The following FOXO1 variants were observed in gnomAD, a reference collection of about 807,000 sequenced individuals.
FOXO1 encodes forkhead box protein O1.
Under a neutral mutation model 44.1 loss-of-function variants are expected in FOXO1, and 6 were observed. The ratio of observed to expected loss-of-function variants is 0.14; its 90% CI spans 0.07 to 0.27. FOXO1 has a LOEUF of 0.27. Ranked by LOEUF, FOXO1 falls within the 10% of genes least tolerant of loss-of-function variation. The probability of loss-of-function intolerance (pLI) is 1.00; values close to 1 mark genes in which losing one functional copy is unlikely to be tolerated. For synonymous variants in FOXO1, 380 were observed against 362.7 expected (o/e 1.05, Z -0.54); for missense variants, 737 against 888.8 (o/e 0.83, Z 2.17).
intron 1 of FOXO1, among the ~76,000 whole-genome samples, chr13:40,636,461 G>C (rs1252233705): frequency 6.6e-6 from 1 of 151,928 alleles, no homozygotes; most frequent in Non-Finnish European, 1.5e-5. Flanking sequence ...CTTGAGGCCA[G>C]GAGTTCAATA....
At chr13:40,573,338 A>C (rs147774489) in intron 1 of FOXO1, among the ~76,000 whole-genome samples, 21 of 152,336 alleles carry the variant, frequency 1.4e-4, no homozygotes, top group African/African-American at 5.1e-4. Context: ...AAGCCAGCCC[A>C]GGAAGAATGT....
chr13:40,607,907 T>C (rs1392499584), intron 1 of FOXO1, among the ~76,000 whole-genome samples: 1 of 152,268 alleles, frequency 6.6e-6, no homozygotes, highest in Non-Finnish European at 1.5e-5. Flanking sequence ...GTTCCCCCAA[T>C]TGGTACACTG....
In FOXO1 at chr13:40,666,238, G is replaced by A; in HGVS notation, c.-26C>T. The stretch of plus-strand genomic sequence containing the variant: ...GGTGACCCCCGCCCCTCCCCCAGCC[G>A]CAGGAGAGCCAAGAGGGGGAGAACG... On this transcript the variant is annotated 5_prime_UTR_variant, in exon 1 of 3. Transcript: ENST00000379561. 2 of 1,373,722 alleles carry A rather than the reference G, an allele frequency of 1.5e-6. No individual in the cohort carries two copies. Among genetic ancestry groups the A allele is most frequent in the Admixed American group, 3.3e-5 (1 of 30,396 alleles). The allele number at this position is 1,373,722 out of a possible 1,614,324, so 85.1% of individuals were successfully genotyped here.
rs886481202 is a variant in FOXO1 at position 40,665,881 on chromosome 13, T to C, written c.332A>G (p.Gln111Arg). Residue 111 changes from glutamine to arginine, a missense_variant, in exon 1 of 3, where the codon CAG becomes CGG. Around this residue, in one of 7 missense-constraint regions of FOXO1, gnomAD observed 213 missense variants for 236.4 expected, o/e 0.90. Coordinates refer to ENST00000379561, the MANE Select transcript of FOXO1 (RefSeq NM_002015.4). ...GTGCAGGCAGCCCGCCTCCGGGCCC[T>C]GGAAGTCCCCGCACAGCCCCCCGGT... ...AATGGLCGDF[Q>R]GPEAGCLHPA... 17 of 1,143,966 alleles carry C rather than the reference T, an allele frequency of 1.5e-5. No homozygotes were observed. In the African/African-American group the frequency reaches 2.5e-4, roughly 17 times the overall value. 70.9% of individuals were successfully genotyped at this position (1,143,966 alleles called of 1,614,324 possible). A position where few individuals can be genotyped will look rare whatever the true frequency, so the allele number is the denominator to read the frequency against.
chr13:40,613,370 G>T (rs1876303777), intron 1 of FOXO1, among the ~76,000 whole-genome samples: 1 of 151,850 alleles, frequency 6.6e-6, no homozygotes, highest in Non-Finnish European at 1.5e-5. Flanking sequence ...TTTACAATCT[G>T]CTTCTCCGAC....
intron 1 of FOXO1, among the ~76,000 whole-genome samples, chr13:40,583,113 T>C (rs1875018432): frequency 6.6e-6 from 1 of 152,196 alleles, no homozygotes; most frequent in Non-Finnish European, 1.5e-5. Context: ...ATCAAAGCTC[T>C]TGTGTGAGGA....
chr13:40,661,687 C>T (rs1878041379), intron 1 of FOXO1, among the ~76,000 whole-genome samples: 2 of 152,124 alleles, frequency 1.3e-5, no homozygotes, highest in South Asian at 4.1e-4. Context: ...CACCAGGATT[C>T]TCTAAGTCAA....
At chr13:40,591,808 T>G (rs1875383596) in intron 1 of FOXO1, among the ~76,000 whole-genome samples, 1 of 151,994 alleles carries the variant, frequency 6.6e-6, no homozygotes, top group Non-Finnish European at 1.5e-5. Context: ...TCCAAGCAAT[T>G]CTCATACCTC....
chr13:40,586,251 T>C (rs909575629), intron 1 of FOXO1, among the ~76,000 whole-genome samples: 3 of 152,246 alleles, frequency 2.0e-5, no homozygotes, highest in Admixed American at 1.3e-4. Flanking sequence ...TGTGTGCATA[T>C]GTGCACTGAG....
intron 1 of FOXO1, among the ~76,000 whole-genome samples, chr13:40,613,511 C>G (rs957729146): frequency 2.0e-5 from 3 of 152,170 alleles, no homozygotes; most frequent in Non-Finnish European, 4.4e-5. Context: ...AGTTCCCACA[C>G]CAAGAGCAGC....
rs889435116 is a variant in FOXO1 at position 40,556,842 on chromosome 13, T to A, written c.*2207A>T. 3 of 152,230 alleles carry A rather than the reference T, an allele frequency of 2.0e-5. No homozygotes were observed. Among genetic ancestry groups the A allele is most frequent in the African/African-American group, 7.2e-5 (3 of 41,452 alleles). 9.4% of individuals were successfully genotyped at this position (152,230 alleles called of 1,614,324 possible). A position where few individuals can be genotyped will look rare whatever the true frequency, so the allele number is the denominator to read the frequency against. Reference sequence around the variant, plus strand: ...GGCTCTGAGGTTCCTTGTATTATGATGCAGTAATGGCACGGGAGGAAAGTG... The same window carrying A: ...GGCTCTGAGGTTCCTTGTATTATGAAGCAGTAATGGCACGGGAGGAAAGTG... On this transcript the variant is annotated 3_prime_UTR_variant, in exon 3 of 3. Transcript: ENST00000379561.
chr13:40,657,811 C>A (rs1877904482), intron 1 of FOXO1, among the ~76,000 whole-genome samples: 1 of 152,116 alleles, frequency 6.6e-6, no homozygotes, highest in Admixed American at 6.5e-5. Context: ...ATCTTGTACA[C>A]AGTAATTATT....
intron 1 of FOXO1, among the ~76,000 whole-genome samples, chr13:40,581,220 G>C (rs1239337209): frequency 6.6e-6 from 1 of 152,092 alleles, no homozygotes; most frequent in Non-Finnish European, 1.5e-5. Flanking sequence ...GACACTGCTT[G>C]AAGGCAAAAA....
chr13:40,642,252 T>C (rs183286158), intron 1 of FOXO1, among the ~76,000 whole-genome samples: 22 of 152,308 alleles, frequency 1.4e-4, no homozygotes, highest in Admixed American at 1.4e-3. Context: ...TATAGATTTT[T>C]TTCACATTCT....
chr13:40,618,547 T>A (rs1399599748), intron 1 of FOXO1, among the ~76,000 whole-genome samples: 1 of 152,188 alleles, frequency 6.6e-6, no homozygotes, highest in Non-Finnish European at 1.5e-5. Context: ...GTTATTTTAC[T>A]GAACAGCAGA....
At chr13:40,634,681 T>C (rs775014051) in intron 1 of FOXO1, among the ~76,000 whole-genome samples, 1 of 150,760 alleles carries the variant, frequency 6.6e-6, no homozygotes, top group Non-Finnish European at 1.5e-5. Context: ...GTGGCTTTAG[T>C]ACTTTTTTTT....
intron 1 of FOXO1, among the ~76,000 whole-genome samples, chr13:40,592,346 C>CA (rs1206302037): frequency 1.3e-5 from 2 of 152,318 alleles, no homozygotes; most frequent in East Asian, 3.9e-4. Flanking sequence ...GCTCTCAGCT[C>CA]ACTGTACAAT....
intron 1 of FOXO1, among the ~76,000 whole-genome samples, chr13:40,664,987 C>A (rs1878176392): frequency 6.6e-6 from 1 of 151,956 alleles, no homozygotes; most frequent in Non-Finnish European, 1.5e-5. Flanking sequence ...CGAGGCCACT[C>A]CGGAGAAAAC....
intron 1 of FOXO1, chr13:40,620,439 G>T: frequency 1.5e-6 from 1 of 653,642 alleles, no homozygotes; most frequent in Non-Finnish European, 2.8e-6. Flanking sequence ...CGAGCTTGTT[G>T]AGCCATCATC....
Sources: gnomAD v4.1 joint callset for allele counts (sites outside exome capture counted in the v4.1 genomes callset) on GRCh38, gnomAD v4.1.1 for gene constraint, gnomAD v4.1.1 regional missense constraint, MANE v1.5 for transcripts, NCBI Gene and HGNC (gene_info 2026-07-23, HGNC 2026-07-21) for gene names.